Variants in NDST4 observed in about 807,000 individuals in gnomAD.
NDST4 encodes the protein N-deacetylase and N-sulfotransferase 4.
In NDST4, 63 loss-of-function variants were observed where a neutral mutation model predicts 100.8. The observed-to-expected ratio is 0.62, with a 90% CI of 0.51 to 0.77. The LOEUF (loss-of-function observed/expected upper bound fraction) is 0.77, where lower values mean the gene tolerates loss of function less well. Among genes scored for constraint, NDST4 ranks in the 30% least tolerant of loss-of-function variants. The pLI is 0.00. For missense variants in NDST4, 943 were observed against 1,018.4 expected, an observed-to-expected ratio of 0.93 and a Z score of 1.01; for synonymous variants, 377 against 361.8, an observed-to-expected ratio of 1.04 and a Z score of -0.48.
At chr4:115,109,194 GAA>G (rs1308912435) in intron 1 of NDST4, among the ~76,000 whole-genome samples, 1 of 151,758 alleles carries the variant, frequency 6.6e-6, no homozygotes, top group East Asian at 1.9e-4. Context: ...AGGAGCTAAT[GAA>G]AAGAGATTAA....
At chr4:115,015,795 T>C (rs1727664480) in intron 2 of NDST4, among the ~76,000 whole-genome samples, 1 of 151,990 alleles carries the variant, frequency 6.6e-6, no homozygotes, top group African/African-American at 2.4e-5. Context: ...GGCTCAGCAA[T>C]ATGGACTCCT....
chr4:114,899,353 AT>A (rs1724786165), intron 6 of NDST4, among the ~76,000 whole-genome samples: 1 of 151,610 alleles, frequency 6.6e-6, no homozygotes, highest in Non-Finnish European at 1.5e-5. Context: ...AATTTTTTTT[AT>A]TTTTAGTATA....
intron 2 of NDST4, among the ~76,000 whole-genome samples, chr4:115,020,879 C>T (rs1727796305): frequency 6.6e-6 from 1 of 151,916 alleles, no homozygotes; most frequent in Non-Finnish European, 1.5e-5. Context: ...CTTACTCCTG[C>T]AAGAATGGCC....
chr4:115,088,319 A>T (rs1351301815), intron 1 of NDST4, among the ~76,000 whole-genome samples: 7 of 135,094 alleles, frequency 5.2e-5, no homozygotes, highest in African/African-American at 1.4e-4. Context: ...TTCTAAAGTT[A>T]ATTTTTTTTT....
chr4:115,065,230 A>T (rs988311417), intron 2 of NDST4, among the ~76,000 whole-genome samples: 3 of 151,216 alleles, frequency 2.0e-5, no homozygotes, highest in African/African-American at 7.3e-5. Flanking sequence ...GCTACTTTCC[A>T]CTCCTTATCT....
At chr4:114,952,397 T>C (rs1726036300) in intron 4 of NDST4, among the ~76,000 whole-genome samples, 1 of 152,086 alleles carries the variant, frequency 6.6e-6, no homozygotes, top group Admixed American at 6.6e-5. Context: ...TGGGAGGGTC[T>C]GCTATTGCCA....
At chr4:115,053,702 T>G (rs1728634892) in intron 2 of NDST4, among the ~76,000 whole-genome samples, 1 of 152,132 alleles carries the variant, frequency 6.6e-6, no homozygotes, top group Non-Finnish European at 1.5e-5. Flanking sequence ...TAACATGTTT[T>G]TACACTGTGC....
intron 6 of NDST4, among the ~76,000 whole-genome samples, chr4:114,911,305 C>G (rs977782546): frequency 6.6e-6 from 1 of 152,130 alleles, no homozygotes. Context: ...CAATTCTACC[C>G]CAGAGCTTAT....
chr4:114,952,891 G>A (rs10015390), intron 4 of NDST4, among the ~76,000 whole-genome samples: 90,807 of 151,860 alleles, frequency 0.6, 27,912 homozygotes, highest in Non-Finnish European at 0.68. Context: ...AATACCTAAA[G>A]GTGAGTAAGT....
At chr4:115,065,941 A>C (rs1728936497) in intron 2 of NDST4, among the ~76,000 whole-genome samples, 1 of 152,130 alleles carries the variant, frequency 6.6e-6, no homozygotes, top group East Asian at 1.9e-4. Context: ...GCCCTAGAAT[A>C]CACTGCCCAG....
chr4:114,849,369 C>T (rs926108906), intron 8 of NDST4, among the ~76,000 whole-genome samples: 1 of 152,176 alleles, frequency 6.6e-6, no homozygotes, highest in African/African-American at 2.4e-5. Context: ...GATTTCCTAG[C>T]CCTAGCAGAG....
At chr4:114,975,640 G>C (rs1578424951) in intron 3 of NDST4, among the ~76,000 whole-genome samples, 1 of 152,058 alleles carries the variant, frequency 6.6e-6, no homozygotes, top group East Asian at 1.9e-4. Flanking sequence ...ATAGGTCTGA[G>C]TATGAAAAGT....
At chr4:114,856,701 A>G (rs1723800867) in intron 7 of NDST4, among the ~76,000 whole-genome samples, 2 of 152,158 alleles carry the variant, frequency 1.3e-5, no homozygotes, top group Non-Finnish European at 2.9e-5. Context: ...ATTCTGCAGA[A>G]CCTAACACTG....
intron 2 of NDST4, among the ~76,000 whole-genome samples, chr4:115,043,331 T>A (rs1405299567): frequency 6.6e-6 from 1 of 152,108 alleles, no homozygotes; most frequent in East Asian, 1.9e-4. Flanking sequence ...ATGATGTACA[T>A]TTTAAGTTAT....
chr4:114,930,247 A>T (rs922086508), intron 6 of NDST4, among the ~76,000 whole-genome samples: 1 of 152,240 alleles, frequency 6.6e-6, no homozygotes, highest in Non-Finnish European at 1.5e-5. Flanking sequence ...TTTGAGGTAC[A>T]TTGAGGATTA....
chr4:115,011,126 A>T (rs1727535245), intron 2 of NDST4, among the ~76,000 whole-genome samples: 1 of 152,066 alleles, frequency 6.6e-6, no homozygotes, highest in African/African-American at 2.4e-5. Context: ...TGATAGAAAC[A>T]TTCATGCTAT....
intron 4 of NDST4, among the ~76,000 whole-genome samples, chr4:114,951,474 T>G (rs1360621684): frequency 6.6e-6 from 1 of 152,082 alleles, no homozygotes; most frequent in African/African-American, 2.4e-5. Context: ...GATAGCATGC[T>G]TCTTGAAGAA....
At chr4:115,017,901 G>T (rs137904278) in intron 2 of NDST4, among the ~76,000 whole-genome samples, 1 of 151,618 alleles carries the variant, frequency 6.6e-6, no homozygotes, top group East Asian at 1.9e-4. Context: ...TATCTGGTTA[G>T]AACAATTAGA....
At chr4:114,955,264 A>G (rs1366064159) in intron 4 of NDST4, among the ~76,000 whole-genome samples, 3 of 152,140 alleles carry the variant, frequency 2.0e-5, no homozygotes, top group Admixed American at 1.3e-4. Flanking sequence ...AAACCAGGAG[A>G]AAGACCATGA....
Sources: gnomAD v4.1 joint callset for allele counts (sites outside exome capture counted in the v4.1 genomes callset) on GRCh38, gnomAD v4.1.1 for gene constraint, MANE v1.5 for transcripts, NCBI Gene and HGNC (gene_info 2026-07-23, HGNC 2026-07-21) for gene names.